Variants in SPINT3 observed in about 807,000 individuals in gnomAD.
SPINT3 encodes the protein kunitz-type protease inhibitor 3.
A neutral mutation model predicts 3.3 loss-of-function variants in SPINT3; 4 were observed. That is an observed-to-expected ratio of 1.22 (90% CI 0.60 to 2.79). The LOEUF is 2.79. SPINT3 is among the 30% of genes most tolerant of loss of function. The probability of loss-of-function intolerance (pLI) is 0.01; values close to 1 mark genes in which losing one functional copy is unlikely to be tolerated. For missense variants in SPINT3, 97 were observed against 104.3 expected, an observed-to-expected ratio of 0.93 and a Z score of 0.31; for synonymous variants, 30 against 38.6, an observed-to-expected ratio of 0.78 and a Z score of 0.83.
chr20:45,513,462 A>G (rs1978791694), intron 1 of SPINT3, among the ~76,000 whole-genome samples: 1 of 152,212 alleles, frequency 6.6e-6, no homozygotes, highest in Non-Finnish European at 1.5e-5. Flanking sequence ...GGTTTATTGC[A>G]GGGTTAGAGA....
intron 1 of SPINT3, 68 bp downstream of exon 1, chr20:45,515,465 T>TCCCCCCCCCCC: frequency 1.5e-6 from 2 of 1,333,640 alleles, no homozygotes; most frequent in Admixed American, 2.0e-5. Context: ...CTGCATCACC[T>TCCCCCCCCCCC]CCCCCACCAC....
chr20:45,515,382 C>T, intron 1 of SPINT3, 151 bp downstream of exon 1: 1 of 703,216 alleles, frequency 1.4e-6, no homozygotes, highest in Non-Finnish European at 2.5e-6. Flanking sequence ...ATGTGCCCAA[C>T]ATATGTCTGA....
intron 1 of SPINT3, among the ~76,000 whole-genome samples, 167 bp downstream of exon 1, chr20:45,515,366 A>C (rs908739491): frequency 6.6e-6 from 1 of 152,228 alleles, no homozygotes; most frequent in Non-Finnish European, 1.5e-5. Context: ...TGCCTGGCAC[A>C]TAACTATGTG....
intron 1 of SPINT3, among the ~76,000 whole-genome samples, chr20:45,513,350 G>T (rs542352362): frequency 1.3e-5 from 2 of 152,282 alleles, no homozygotes; most frequent in Admixed American, 6.5e-5. Flanking sequence ...GTTCAAACTT[G>T]TCTCAATTAT....
rs1464628649 is a variant in SPINT3, at chr20:45,512,802, A to G, written c.119T>C (p.Met40Thr). 6.4e-7 allele frequency: 1 copy of G among 1,551,714 alleles called. No homozygotes were observed. The highest frequency in any genetic ancestry group is 1.2e-5 in the South Asian group (1 of 84,058). Residue 40 changes from methionine (M) to threonine (T), a missense_variant, in exon 2 of 2, where the codon ATG becomes ACG. Physicochemically the swap from Met to Thr is moderately conservative, Grantham distance 81. Transcript: ENST00000217428. ...DLLPNVCAFP[M>T]EKGPCQTYMT... Reference sequence around the variant, plus strand: ...GTAGGTTTGACAAGGGCCCTTTTCCATAGGAAAAGCGCATACATTTGGGAG... The same window carrying G: ...GTAGGTTTGACAAGGGCCCTTTTCCGTAGGAAAAGCGCATACATTTGGGAG...
Position 45,512,713 on chromosome 20 carries a change from C to T in SPINT3, c.208G>A (p.Gly70Arg), listed in dbSNP as rs777486509. ...CTCAAAAAGTTGTTGCTGTTGCCTC[C>T]GCAGCCTCCGTAAGCAAATAACTCA... ...ECELFAYGGC[G>R]GNSNNFLRKE... Residue 70 changes from glycine to arginine, a missense_variant, in exon 2 of 2, where the codon GGA (glycine) becomes AGA (arginine). By Grantham distance (125) the Gly-to-Arg change is moderately radical. Transcript: ENST00000217428. 1.5e-5 allele frequency: 24 copies of T among 1,551,466 alleles called. No homozygotes were observed. Among genetic ancestry groups the T allele is most frequent in the East Asian group, 7.3e-5 (3 of 40,926 alleles).
At chr20:45,514,413 T>C (rs1414517872) in intron 1 of SPINT3, among the ~76,000 whole-genome samples, 2 of 152,214 alleles carry the variant, frequency 1.3e-5, no homozygotes, top group African/African-American at 2.4e-5. Context: ...GGTTAATCTT[T>C]TTTTATAGAA....
chr20:45,515,194 G>C (rs1384706103), intron 1 of SPINT3, among the ~76,000 whole-genome samples: 3 of 152,006 alleles, frequency 2.0e-5, no homozygotes, highest in African/African-American at 4.8e-5. Flanking sequence ...CCCCACCCCA[G>C]ACATTGAAGG....
Position 45,512,503 on chromosome 20 carries a change from C to T in SPINT3, c.*148G>A, listed in dbSNP as rs2145526527. On this transcript the variant is annotated 3_prime_UTR_variant, in exon 2 of 2. Transcript: ENST00000217428. ...TAGAATTTCAGGCACAGAGATGAAG[C>T]ACTTGTAGGAGCACATCAGGGAGAA... The T allele has an allele frequency of 1.4e-6, 1 of 722,636 alleles. No individual in the cohort carries two copies. The highest frequency in any genetic ancestry group is 2.7e-5 in the East Asian group (1 of 36,562). 44.8% of individuals were successfully genotyped at this position (722,636 alleles called of 1,614,324 possible).
Position 45,515,514 on chromosome 20 carries a change from TC to T in SPINT3, c.76+18del. On this transcript the variant is annotated intron_variant, in intron 1 of 1. Coordinates refer to ENST00000217428, the MANE Select transcript of SPINT3 (RefSeq NM_006652.2). ...CTGATTCCCAGTCTATTCTTTGAGA[TC>T]CCACATTTCATACCAACCTCGTGCT... 2 of 1,543,578 alleles carry T rather than the reference TC, an allele frequency of 1.3e-6. No homozygotes were observed. Among genetic ancestry groups the T allele is most frequent in the Non-Finnish European group, 1.8e-6 (2 of 1,141,078 alleles).
intron 1 of SPINT3, among the ~76,000 whole-genome samples, chr20:45,514,435 T>C (rs1387561400): frequency 1.3e-5 from 2 of 152,312 alleles, no homozygotes; most frequent in East Asian, 3.9e-4. Flanking sequence ...AAGAAACTGA[T>C]GCTCAGAGAG....
intron 1 of SPINT3, among the ~76,000 whole-genome samples, chr20:45,513,432 G>A (rs1473720293): frequency 6.6e-6 from 1 of 152,138 alleles, no homozygotes; most frequent in Non-Finnish European, 1.5e-5. Context: ...CAAAAATGCA[G>A]GTGTAATATC....
chr20:45,513,679 C>A (rs984377150), intron 1 of SPINT3, among the ~76,000 whole-genome samples: 1 of 152,204 alleles, frequency 6.6e-6, no homozygotes, highest in African/African-American at 2.4e-5. Flanking sequence ...CCACTGAGCC[C>A]CTCTGGGGCA....
At position 45,512,561 on chromosome 20, in the gene SPINT3, T is replaced by TCACACA. The variant is rs11468934; in HGVS notation, c.*84_*89dup. Reference sequence around the variant, plus strand: ...GGGGGTAGAGGAATGAACCTCTTGTTCACACACACACACACACACACACGC... The same window carrying TCACACA: ...GGGGGTAGAGGAATGAACCTCTTGTTCACACACACACACACACACACACACACACGC... On this transcript the variant is annotated 3_prime_UTR_variant, in exon 2 of 2. Coordinates refer to ENST00000217428, the MANE Select transcript of SPINT3 (RefSeq NM_006652.2). 5 of 1,114,170 alleles carry TCACACA rather than the reference T, an allele frequency of 4.5e-6. No homozygotes were observed. The highest frequency in any genetic ancestry group is 5.4e-5 in the East Asian group (2 of 37,144). The allele number at this position is 1,114,170 out of a possible 1,614,324, so 69.0% of individuals were successfully genotyped here. A position where few individuals can be genotyped will look rare whatever the true frequency, so the allele number is the denominator to read the frequency against.
In SPINT3 at chr20:45,512,695, A is replaced by G. The variant is rs1978767138; in HGVS notation, c.226T>C (p.Phe76Leu). The G allele has an allele frequency of 6.4e-7, 1 of 1,551,502 alleles. No homozygotes were observed. The highest frequency in any genetic ancestry group is 1.2e-5 in the South Asian group (1 of 84,030). The part of the protein sequence containing the change: ...YGGCGGNSNN[F>L]LRKEKCEKFC... ...TTCTCACATTTTTCTTTCCTCAAAA[A>G]GTTGTTGCTGTTGCCTCCGCAGCCT... The change falls in exon 2 of 2, where the codon TTT (phenylalanine) becomes CTT (leucine). Residue 76 changes from phenylalanine (F) to leucine (L), a missense_variant. Phe to Leu is a conservative substitution (Grantham distance 22). Coordinates refer to ENST00000217428, the MANE Select transcript of SPINT3 (RefSeq NM_006652.2).
intron 1 of SPINT3, among the ~76,000 whole-genome samples, chr20:45,513,093 G>A (rs998134760): frequency 2.0e-5 from 3 of 152,200 alleles, no homozygotes; most frequent in East Asian, 1.9e-4. Flanking sequence ...TGAGATCCTC[G>A]CGCAGCCACT....
chr20:45,512,621 T>A lies in SPINT3; in HGVS notation c.*30A>T. ...CTATGGCCCTCAGAGCAATCCCGAA[T>A]CCATGGAGGGCTGTGTTCTTGTTAG... On this transcript the variant is annotated 3_prime_UTR_variant, in exon 2 of 2. Coordinates refer to ENST00000217428, the MANE Select transcript of SPINT3 (RefSeq NM_006652.2). 1 of 1,547,706 alleles carries A rather than the reference T, an allele frequency of 6.5e-7. No homozygotes were observed. Among genetic ancestry groups the A allele is most frequent in the Non-Finnish European group, 8.7e-7 (1 of 1,144,468 alleles).
intron 1 of SPINT3, among the ~76,000 whole-genome samples, chr20:45,515,016 A>G (rs1398864046): frequency 6.6e-6 from 1 of 152,124 alleles, no homozygotes; most frequent in Non-Finnish European, 1.5e-5. Context: ...TATCTTAGCT[A>G]TAACTGCACT....
rs11468934 is a variant in SPINT3 at position 45,512,561 on chromosome 20, TCA to T, written c.*88_*89del. ...GGGGGTAGAGGAATGAACCTCTTGTTCACACACACACACACACACACACGCAA... is the reference window on the plus strand; with the variant it reads ...GGGGGTAGAGGAATGAACCTCTTGTTCACACACACACACACACACACGCAA... On this transcript the variant is annotated 3_prime_UTR_variant, in exon 2 of 2. Coordinates refer to ENST00000217428, the MANE Select transcript of SPINT3 (RefSeq NM_006652.2). 189,833 of 1,089,856 alleles carry T rather than the reference TCA, an allele frequency of 0.17. 8,800 individuals are homozygous for T. The highest frequency in any genetic ancestry group is 0.32 in the East Asian group (11,590 of 35,950). The allele number at this position is 1,089,856 out of a possible 1,614,324, so 67.5% of individuals were successfully genotyped here. A position where few individuals can be genotyped will look rare whatever the true frequency, so the allele number is the denominator to read the frequency against.
Sources: gnomAD v4.1 joint callset for allele counts (sites outside exome capture counted in the v4.1 genomes callset) on GRCh38, gnomAD v4.1.1 for gene constraint, MANE v1.5 for transcripts, NCBI Gene and HGNC (gene_info 2026-07-23, HGNC 2026-07-21) for gene names.